The following CNTNAP4 variants were observed in gnomAD, a reference collection of about 807,000 sequenced individuals.
CNTNAP4 encodes contactin associated protein family member 4.
Under a neutral mutation model 148.4 loss-of-function variants are expected in CNTNAP4, and 98 were observed. The ratio of observed to expected loss-of-function variants is 0.66; its 90% CI spans 0.56 to 0.78. The LOEUF is 0.78. Among genes scored for constraint, CNTNAP4 ranks in the 30% least tolerant of loss-of-function variants. The pLI, the probability that CNTNAP4 is intolerant of heterozygous loss-of-function variation, is 0.00. For synonymous variants in CNTNAP4, 730 were observed against 565.1 expected (o/e 1.29, Z -4.14); for missense variants, 1,935 against 1,565.6 (o/e 1.24, Z -3.98).
intron 2 of CNTNAP4, among the ~76,000 whole-genome samples, chr16:76,333,644 C>A (rs761998396): frequency 6.6e-6 from 1 of 151,944 alleles, no homozygotes; most frequent in East Asian, 1.9e-4. Flanking sequence ...CTCTACATTC[C>A]TTTTTTTGCA....
chr16:76,514,348 T>C (rs766936190), intron 15 of CNTNAP4, among the ~76,000 whole-genome samples: 3 of 152,226 alleles, frequency 2.0e-5, no homozygotes, highest in Non-Finnish European at 4.4e-5. Flanking sequence ...TCTTCTAAAA[T>C]AAAATTATAT....
At chr16:76,549,842 T>A (rs1431204323) in intron 21 of CNTNAP4, among the ~76,000 whole-genome samples, 3 of 151,988 alleles carry the variant, frequency 2.0e-5, no homozygotes, top group African/African-American at 7.2e-5. Flanking sequence ...GGAGACCTAA[T>A]GTGAAAAATT....
At chr16:76,519,319 TAGC>T (rs1485638702) in intron 15 of CNTNAP4, among the ~76,000 whole-genome samples, 2 of 152,170 alleles carry the variant, frequency 1.3e-5, no homozygotes, top group Non-Finnish European at 2.9e-5. Flanking sequence ...CATGTACAGA[TAGC>T]AGCAATTCAA....
At chr16:76,514,335 G>T (rs1223012937) in intron 15 of CNTNAP4, among the ~76,000 whole-genome samples, 1 of 152,080 alleles carries the variant, frequency 6.6e-6, no homozygotes, top group African/African-American at 2.4e-5. Context: ...TGTTCTTCCA[G>T]TTTCTTCTAA....
At chr16:76,551,410 T>A (rs1297981687) in intron 21 of CNTNAP4, among the ~76,000 whole-genome samples, 1 of 149,342 alleles carries the variant, frequency 6.7e-6, no homozygotes, top group Non-Finnish European at 1.5e-5. Flanking sequence ...AAAAAATATA[T>A]ATATATATAT....
At position 76,300,222 on chromosome 16, in the gene CNTNAP4, C is replaced by G. The variant is rs147150403; in HGVS notation, c.86-16191C>G. 2.1e-3 allele frequency among the ~76,000 whole-genome samples: 322 copies of G among 152,228 alleles called. 1 individual carries two copies. Among genetic ancestry groups the G allele is most frequent in the Non-Finnish European group, 4.0e-3 (270 of 67,996 alleles). ...TCACTGATGTACTTTTAAAGAATAT[C>G]ACTTTTAAAGAGAACACATTCCATT... On this transcript the variant is annotated intron_variant, in intron 1 of 23. Transcript: ENST00000611870.
intron 3 of CNTNAP4, among the ~76,000 whole-genome samples, chr16:76,401,119 T>C (rs989392442): frequency 1.3e-5 from 2 of 152,192 alleles, no homozygotes; most frequent in African/African-American, 4.8e-5. Flanking sequence ...ATCTGTACAT[T>C]GCTTTGGGCA....
intron 17 of CNTNAP4, among the ~76,000 whole-genome samples, chr16:76,531,006 T>C: frequency 6.6e-6 from 1 of 152,214 alleles, no homozygotes; most frequent in Admixed American, 6.5e-5. Context: ...AATTTGTGGT[T>C]GAGGCTTTGC....
chr16:76,293,152 G>C (rs1230192160), intron 1 of CNTNAP4, among the ~76,000 whole-genome samples: 1 of 150,178 alleles, frequency 6.7e-6, no homozygotes, highest in Non-Finnish European at 1.5e-5. Flanking sequence ...CTTTTCCGGA[G>C]CCTCACTCTG....
At chr16:76,526,899 C>G (rs2083757057) in intron 17 of CNTNAP4, among the ~76,000 whole-genome samples, 1 of 152,090 alleles carries the variant, frequency 6.6e-6, no homozygotes, top group African/African-American at 2.4e-5. Flanking sequence ...GTCTCAAACT[C>G]CTGGGCTCAA....
rs781053311 is a variant in CNTNAP4 at position 76,459,096 on chromosome 16, AATAAG to A, written c.1334-2858_1334-2854del. Among the ~76,000 whole-genome samples, 4 of 152,318 alleles carry A rather than the reference AATAAG, an allele frequency of 2.6e-5. No individual in the cohort carries two copies. In the East Asian group the frequency reaches 5.8e-4, roughly 22 times the overall value. On this transcript the variant is annotated intron_variant, in intron 8 of 23. Transcript: ENST00000611870. ...GACACCAGTGGAAAGTCTAAAATGAAATAAGAGAAGTAGAGTCTTGCACACAGGGC... is the reference window on the plus strand; with the variant it reads ...GACACCAGTGGAAAGTCTAAAATGAAAGAAGTAGAGTCTTGCACACAGGGC...
At chr16:76,287,790 C>T (rs567437626) in intron 1 of CNTNAP4, 1 of 152,302 alleles carries the variant, frequency 6.6e-6, no homozygotes, top group South Asian at 2.1e-4. Flanking sequence ...TTACCTACTA[C>T]ACATATTATT....
intron 2 of CNTNAP4, among the ~76,000 whole-genome samples, chr16:76,318,257 G>C (rs886751380): frequency 6.6e-6 from 1 of 152,208 alleles, no homozygotes; most frequent in Non-Finnish European, 1.5e-5. Flanking sequence ...ATGTGGGCCA[G>C]TGAAAGGAAC....
intron 2 of CNTNAP4, among the ~76,000 whole-genome samples, chr16:76,329,816 AC>A (rs1963345286): frequency 1.3e-5 from 2 of 152,340 alleles, no homozygotes; most frequent in Admixed American, 6.5e-5. Context: ...AATATAACTG[AC>A]TTTTATAATA....
intron 4 of CNTNAP4, among the ~76,000 whole-genome samples, chr16:76,433,752 A>G (rs4620993): frequency 0.37 from 56,023 of 151,966 alleles, 10,975 homozygotes; most frequent in Middle Eastern, 0.52. Context: ...ATTGAGTTCA[A>G]TACCTATTTA....
chr16:76,335,231 T>A (rs1963916886), intron 2 of CNTNAP4, among the ~76,000 whole-genome samples: 1 of 152,080 alleles, frequency 6.6e-6, no homozygotes, highest in Non-Finnish European at 1.5e-5. Flanking sequence ...AAGGATGAGA[T>A]AAAAACACAT....
At chr16:76,480,847 GTGTT>G (rs1281720625) in intron 12 of CNTNAP4, among the ~76,000 whole-genome samples, 1 of 152,182 alleles carries the variant, frequency 6.6e-6, no homozygotes, top group East Asian at 1.9e-4. Context: ...CTCAAGCAGG[GTGTT>G]TGTTTGTAGG....
intron 3 of CNTNAP4, among the ~76,000 whole-genome samples, chr16:76,372,467 C>A (rs564541414): frequency 1.1e-4 from 16 of 152,190 alleles, no homozygotes; most frequent in African/African-American, 3.6e-4. Flanking sequence ...AAAATCTTAT[C>A]TTGAGTTGTA....
chr16:76,517,141 G>C (rs989186930), intron 15 of CNTNAP4, among the ~76,000 whole-genome samples: 1 of 152,156 alleles, frequency 6.6e-6, no homozygotes, highest in East Asian at 1.9e-4. Context: ...TTATTTGAGA[G>C]CATTCTTGAA....
Sources: gnomAD v4.1 joint callset for allele counts (sites outside exome capture counted in the v4.1 genomes callset) on GRCh38, gnomAD v4.1.1 for gene constraint, MANE v1.5 for transcripts, NCBI Gene and HGNC (gene_info 2026-07-23, HGNC 2026-07-21) for gene names.